Variants in TRIM14 observed in about 807,000 individuals in gnomAD.
TRIM14 encodes tripartite motif-containing protein 14.
TRIM14 carries 28 observed loss-of-function variants against 44.5 expected under a neutral mutation model. The observed-to-expected ratio is 0.63, with a 90% CI of 0.47 to 0.86. The LOEUF (loss-of-function observed/expected upper bound fraction) is 0.86, where lower values mean the gene tolerates loss of function less well. Ranked by LOEUF, TRIM14 falls within the 40% of genes least tolerant of loss-of-function variation. The pLI, the probability that TRIM14 is intolerant of heterozygous loss-of-function variation, is 0.00. For synonymous variants in TRIM14, 299 were observed against 269.2 expected, an observed-to-expected ratio of 1.11 and a Z score of -1.08; for missense variants, 607 against 611.1, an observed-to-expected ratio of 0.99 and a Z score of 0.07.
the TRIM14 span, among the ~76,000 whole-genome samples, chr9:98,040,422 G>A: frequency 1.1e-4 from 17 of 151,610 alleles, no homozygotes; most frequent in African/African-American, 4.1e-4. Context: ...TGTGGGCCTC[G>A]CCTCCTCAGG....
chr9:98,117,037 T>A (rs1827079151), intron 1 of TRIM14, among the ~76,000 whole-genome samples: 1 of 152,148 alleles, frequency 6.6e-6, no homozygotes, highest in African/African-American at 2.4e-5. Context: ...ACACCTGTTA[T>A]GCACACCTGT....
downstream of TRIM14, among the ~76,000 whole-genome samples, chr9:98,082,447 A>C (rs1188364252): frequency 1.3e-5 from 2 of 152,204 alleles, no homozygotes; most frequent in Non-Finnish European, 2.9e-5. Flanking sequence ...CAAAAGAATC[A>C]GAGTTTGCAT....
At chr9:98,108,004 T>G (rs1375993198) in intron 2 of TRIM14, among the ~76,000 whole-genome samples, 1 of 151,926 alleles carries the variant, frequency 6.6e-6, no homozygotes, top group African/African-American at 2.4e-5. Flanking sequence ...TGGAATAGCC[T>G]GCATTTTGAT....
At chr9:98,104,993 C>T (rs547243831) in intron 2 of TRIM14, among the ~76,000 whole-genome samples, 1 of 133,450 alleles carries the variant, frequency 7.5e-6, no homozygotes, top group African/African-American at 3.3e-5. Flanking sequence ...TTAGACTCTG[C>T]TATGGTGGCA....
chr9:98,118,357 CT>C (rs940866643), intron 1 of TRIM14, among the ~76,000 whole-genome samples: 1 of 152,180 alleles, frequency 6.6e-6, no homozygotes, highest in African/African-American at 2.4e-5. Flanking sequence ...AGGCCTGCCC[CT>C]GCCTCCAGAG....
At chr9:98,094,381 T>C (rs542946471) in intron 4 of TRIM14, among the ~76,000 whole-genome samples, 96 of 152,224 alleles carry the variant, frequency 6.3e-4, no homozygotes, top group African/African-American at 2.2e-3. Context: ...ATGTATCCAC[T>C]TCATGAGCAC....
chr9:98,052,391 G>A, the TRIM14 span, among the ~76,000 whole-genome samples: 2 of 151,796 alleles, frequency 1.3e-5, no homozygotes, highest in African/African-American at 2.4e-5. Flanking sequence ...GATCCAAGAA[G>A]AGAAAAGAAA....
intron 3 of TRIM14, among the ~76,000 whole-genome samples, chr9:98,097,928 G>A (rs1826244207): frequency 6.6e-6 from 1 of 152,206 alleles, no homozygotes; most frequent in Non-Finnish European, 1.5e-5. Flanking sequence ...ATTATGCCTA[G>A]GAAAACACTT....
chr9:98,113,174 A>C (rs1472039846), intron 1 of TRIM14, among the ~76,000 whole-genome samples: 1 of 150,738 alleles, frequency 6.6e-6, no homozygotes, highest in Non-Finnish European at 1.5e-5. Context: ...AAACTTAAGT[A>C]TTAATATCAA....
In TRIM14 at chr9:98,087,490, T is replaced by C. The variant is rs199858943; in HGVS notation, c.1309A>G (p.Ser437Gly). The change falls in exon 6 of 6, where the codon AGC becomes GGC. Residue 437 changes from serine to glycine, a missense_variant. Transcript: ENST00000341469. ...PALRLWEGAI[S>G]IPRLP ...GGCCCCTAGGGCAGCCGGGGGATGC[T>C]GATGGCCCCCTCCCAGAGCCGCAGG... The C allele has an allele frequency of 2.2e-5, 36 of 1,602,640 alleles. 1 individual carries two copies. In the East Asian group the frequency reaches 8.1e-4, roughly 36 times the overall value.
In TRIM14 at chr9:98,087,374, G is replaced by A. The variant is rs747672944; in HGVS notation, c.*96C>T. 1 of 1,564,390 alleles carries A rather than the reference G, an allele frequency of 6.4e-7. No individual in the cohort carries two copies. On this transcript the variant is annotated 3_prime_UTR_variant, in exon 6 of 6. Transcript: ENST00000341469. ...TGGGGCAGGGAGAGGGCCCTAAGAAGCAGGCAGTAAGGGGACCAGCCACGC... is the reference window on the plus strand; with the variant it reads ...TGGGGCAGGGAGAGGGCCCTAAGAAACAGGCAGTAAGGGGACCAGCCACGC...
At chr9:98,056,610 GCCCCGCCCCCGCC>G in the TRIM14 span, 76 of 761,254 alleles carry the variant, frequency 1.0e-4, no homozygotes, top group African/African-American at 4.2e-4. Context: ...CCCGCGGGAG[GCCCCGCCCCCGCC>G]CCCCGCCCCG....
downstream of TRIM14, among the ~76,000 whole-genome samples, chr9:98,079,561 A>G (rs1406440101): frequency 6.6e-6 from 1 of 152,162 alleles, no homozygotes; most frequent in Non-Finnish European, 1.5e-5. Flanking sequence ...CTTCACTTAC[A>G]GCTTATCTAA....
the TRIM14 span, among the ~76,000 whole-genome samples, chr9:98,049,965 G>A: frequency 6.6e-6 from 1 of 152,212 alleles, no homozygotes; most frequent in Non-Finnish European, 1.5e-5. Flanking sequence ...TTGAGCCAGG[G>A]TAGGCATAGA....
chr9:98,065,308 C>CT (rs758040892), downstream of TRIM14, among the ~76,000 whole-genome samples: 1,665 of 92,712 alleles, frequency 0.018, 100 homozygotes, highest in African/African-American at 0.037. Context: ...ACTCCTGGTG[C>CT]TTTTTTTTTT....
At chr9:98,066,906 C>T (rs1196554621), downstream of TRIM14, among the ~76,000 whole-genome samples, 1 of 152,176 alleles carries the variant, frequency 6.6e-6, no homozygotes, top group African/African-American at 2.4e-5. Flanking sequence ...TTGCCTTGGC[C>T]TCCCAAAGTG....
At chr9:98,093,147 C>G (rs1489035699) in intron 4 of TRIM14, among the ~76,000 whole-genome samples, 2 of 152,106 alleles carry the variant, frequency 1.3e-5, no homozygotes, top group Admixed American at 1.3e-4. Context: ...TTTCCTTCTG[C>G]GAGTTGCCCA....
the TRIM14 span, among the ~76,000 whole-genome samples, chr9:98,044,778 G>T: frequency 3.9e-5 from 6 of 152,056 alleles, no homozygotes; most frequent in African/African-American, 1.2e-4. Context: ...GCCAAATTGA[G>T]ATTAATTTTG....
At chr9:98,104,456 A>C (rs935483487) in intron 2 of TRIM14, among the ~76,000 whole-genome samples, 3 of 152,226 alleles carry the variant, frequency 2.0e-5, no homozygotes, top group African/African-American at 7.2e-5. Context: ...CCAGTATGGA[A>C]AACAGCCACC....
Sources: gnomAD v4.1 joint callset for allele counts (sites outside exome capture counted in the v4.1 genomes callset) on GRCh38, gnomAD v4.1.1 for gene constraint, MANE v1.5 for transcripts, NCBI Gene and HGNC (gene_info 2026-07-23, HGNC 2026-07-21) for gene names.